DNMT1: variants seen among roughly 807,000 people sequenced by gnomAD.
DNMT1 encodes DNA (cytosine-5)-methyltransferase 1.
In DNMT1, 24 loss-of-function variants were observed where a neutral mutation model predicts 205.3. The ratio of observed to expected loss-of-function variants is 0.12; its 90% CI spans 0.08 to 0.16. The LOEUF (loss-of-function observed/expected upper bound fraction) is 0.16, where lower values mean the gene tolerates loss of function less well. Ranked by LOEUF, DNMT1 falls within the 10% of genes least tolerant of loss-of-function variation. DNMT1 has a pLI of 1.00. For missense variants in DNMT1, 1,293 were observed against 2,177.7 expected, an observed-to-expected ratio of 0.59 and a Z score of 8.09; for synonymous variants, 817 against 839.8, an observed-to-expected ratio of 0.97 and a Z score of 0.47.
At chr19:10,176,914 A>C (rs1384868334) in intron 6 of DNMT1, among the ~76,000 whole-genome samples, 1 of 152,138 alleles carries the variant, frequency 6.6e-6, no homozygotes, top group Non-Finnish European at 1.5e-5. Context: ...ATTTTTTAAA[A>C]AGTTGTCAAA....
intron 9 of DNMT1, among the ~76,000 whole-genome samples, chr19:10,168,854 A>C (rs1029596450): frequency 6.6e-6 from 1 of 152,088 alleles, no homozygotes. Flanking sequence ...TTATTTATTT[A>C]TGAGACGGAG....
chr19:10,194,863 G>T lies in DNMT1; in HGVS notation c.37C>A (p.Leu13Met), dbSNP rs762812098. The change falls in exon 1 of 41, where the codon CTG becomes ATG. Residue 13 changes from leucine (L) to methionine (M), a missense_variant. Around this residue, in one of 13 missense-constraint regions of DNMT1, gnomAD observed 394 missense variants for 451.6 expected, o/e 0.87. Transcript: ENST00000359526. ...ARTAPARVPT[L>M]AVPAISLPDD... Reference sequence around the variant, plus strand: ...GGCAGCGAGATGGCCGGGACGGCCAGTGTGGGCACCCGGGCTGGGGCGGTA... The same window carrying T: ...GGCAGCGAGATGGCCGGGACGGCCATTGTGGGCACCCGGGCTGGGGCGGTA... The T allele has an allele frequency of 6.2e-7, 1 of 1,611,640 alleles. No homozygotes were observed. Among genetic ancestry groups the T allele is most frequent in the Non-Finnish European group, 8.5e-7 (1 of 1,179,224 alleles).
chr19:10,143,384 C>CTTTTTTT (rs542026334), intron 29 of DNMT1, among the ~76,000 whole-genome samples: 1 of 119,502 alleles, frequency 8.4e-6, no homozygotes, highest in East Asian at 2.5e-4. Flanking sequence ...CCCAGCTAGT[C>CTTTTTTT]TTTTTTTTTT....
chr19:10,175,422 A>C, intron 7 of DNMT1, 118 bp downstream of exon 7: 1 of 1,112,712 alleles, frequency 9.0e-7, no homozygotes. Flanking sequence ...CTCTCTGGAG[A>C]GCCCTAAATA....
At position 10,138,506 on chromosome 19, in the gene DNMT1, A is replaced by G; in HGVS notation, c.4048T>C (p.Phe1350Leu). 1 of 1,613,626 alleles carries G rather than the reference A, an allele frequency of 6.2e-7. No homozygotes were observed. Among genetic ancestry groups the G allele is most frequent in the Non-Finnish European group, 8.5e-7 (1 of 1,180,018 alleles). Residue 1350 changes from phenylalanine to leucine, a missense_variant, in exon 35 of 41, where the codon TTT (phenylalanine) becomes CTT (leucine). Coordinates refer to ENST00000359526, the MANE Select transcript of DNMT1 (RefSeq NM_001130823.3). The surrounding 1 kb of genome is among the most constrained non-coding windows in gnomAD (Gnocchi z 4.1). ...LPLFPEPLHV[F>L]APRACQLSVV... ...CTCAGCTGGCAGGCCCGGGGAGCAA[A>G]CACGTGCAGTGGCTCCGGGAACAGA...
intron 19 of DNMT1, among the ~76,000 whole-genome samples, 160 bp from the exon 20 acceptor site, chr19:10,155,216 G>T (rs2038431810): frequency 6.6e-6 from 1 of 152,192 alleles, no homozygotes; most frequent in Non-Finnish European, 1.5e-5. Context: ...TAGCTGGCTT[G>T]TTCTGAAGAA....
intron 9 of DNMT1, among the ~76,000 whole-genome samples, chr19:10,170,845 T>C (rs145515109): frequency 1.1e-3 from 164 of 152,182 alleles, no homozygotes; most frequent in Non-Finnish European, 1.9e-3. Flanking sequence ...CCAGGCTGGA[T>C]TGCAGTGGGA....
chr19:10,194,824 T>C lies in DNMT1; in HGVS notation c.76A>G (p.Arg26Gly). The stretch of plus-strand genomic sequence containing the variant: ...GTTCCCCCCCATGGTACCTACCGCC[T>C]GCGGACATCGTCGGGCAGCGAGATG... ...PAISLPDDVR[R>G]RLKDLERDSL... The change falls in exon 1 of 41, where the codon AGG (arginine) becomes GGG (glycine). Residue 26 changes from arginine to glycine, a missense_variant. Transcript: ENST00000359526. 8 of 1,611,058 alleles carry C rather than the reference T, an allele frequency of 5.0e-6. No homozygotes were observed. Among genetic ancestry groups the C allele is most frequent in the Non-Finnish European group, 5.9e-6 (7 of 1,178,854 alleles).
At position 10,134,315 on chromosome 19, in the gene DNMT1, A is replaced by G; in HGVS notation, c.4774-8T>C. On this transcript the variant is annotated splice_region_variant and splice_polypyrimidine_tract_variant and intron_variant, in intron 39 of 40. Transcript: ENST00000359526. ...TGGCACGGCATTGCCCACCTGCAGG[A>G]GGGGAGAAGGGCAATGCCTGATGTG... is the stretch of plus-strand genomic sequence containing the variant. 6.2e-7 allele frequency: 1 copy of G among 1,613,584 alleles called. No individual in the cohort carries two copies. The highest frequency in any genetic ancestry group is 8.5e-7 in the Non-Finnish European group (1 of 1,179,784).
chr19:10,190,193 A>G (rs937781235), intron 1 of DNMT1, among the ~76,000 whole-genome samples: 1 of 152,198 alleles, frequency 6.6e-6, no homozygotes, highest in African/African-American at 2.4e-5. Context: ...GCAGTAAGAA[A>G]GCTGTGGTAG....
intron 13 of DNMT1, among the ~76,000 whole-genome samples, chr19:10,162,212 C>A (rs2038583466): frequency 6.6e-6 from 1 of 151,130 alleles, no homozygotes; most frequent in South Asian, 2.1e-4. Context: ...GATCTCAGCT[C>A]ACAGCAATCT....
In DNMT1 at chr19:10,151,287, T is replaced by C; in HGVS notation, c.2265+111A>G. 1 of 1,508,180 alleles carries C rather than the reference T, an allele frequency of 6.6e-7. No individual in the cohort carries two copies. The highest frequency in any genetic ancestry group is 2.3e-5 in the East Asian group (1 of 44,424). The allele number at this position is 1,508,180 out of a possible 1,614,324, so 93.4% of individuals were successfully genotyped here. On this transcript the variant is annotated intron_variant, in intron 24 of 40. Coordinates refer to ENST00000359526, the MANE Select transcript of DNMT1 (RefSeq NM_001130823.3). This position sits in a 1 kb window ranked among gnomAD's most constrained non-coding sequence, Gnocchi z 5.0. ...CTTCTCAGGGGCAAACAGACAGGTT[T>C]CTTAGTGCCGGGGCTCAGGCTGCCT...
intron 1 of DNMT1, among the ~76,000 whole-genome samples, chr19:10,190,882 A>AT (rs1325749012): frequency 6.6e-6 from 1 of 152,140 alleles, no homozygotes; most frequent in Non-Finnish European, 1.5e-5. Flanking sequence ...GGAGGCTAAG[A>AT]TAAGTGGATC....
intron 9 of DNMT1, among the ~76,000 whole-genome samples, chr19:10,168,899 G>A (rs971239103): frequency 2.0e-5 from 3 of 152,154 alleles, no homozygotes; most frequent in African/African-American, 7.2e-5. Context: ...GTGCAGTGGT[G>A]TACTCTTGGC....
chr19:10,155,019 C>A lies in DNMT1; in HGVS notation c.1530G>T (p.Glu510Asp), dbSNP rs561762200. The change falls in exon 20 of 41, where the codon GAG (glutamate) becomes GAT (aspartate). Residue 510 changes from glutamate to aspartate, a missense_variant. By Grantham distance (45) the Glu-to-Asp change is conservative. Transcript: ENST00000359526. ...AEYILMDPSP[E>D]YAPIFGLMQE... ...GCATCAGCCCAAATATGGGCGCATA[C>A]TCGGGACTGGGATCCATCAGAATGT... 2 of 1,614,170 alleles carry A rather than the reference C, an allele frequency of 1.2e-6. No individual in the cohort carries two copies. Among genetic ancestry groups the A allele is most frequent in the Admixed American group, 3.3e-5 (2 of 60,002 alleles).
At position 10,138,833 on chromosome 19, in the gene DNMT1, G is replaced by A. The variant is rs1040044084; in HGVS notation, c.3949-228C>T. Among the ~76,000 whole-genome samples the A allele has an allele frequency of 6.6e-6, 1 of 152,208 alleles. No homozygotes were observed. Among genetic ancestry groups the A allele is most frequent in the Non-Finnish European group, 1.5e-5 (1 of 68,038 alleles). On this transcript the variant is annotated intron_variant, in intron 34 of 40. Coordinates refer to ENST00000359526, the MANE Select transcript of DNMT1 (RefSeq NM_001130823.3). This position sits in a 1 kb window ranked among gnomAD's most constrained non-coding sequence, Gnocchi z 4.1. ...CAGGGGACAGCCACTGGGGAAGGTG[G>A]GAGCAAACCCTGCGGGGAAGTCCGG...
chr19:10,138,647 A>C lies in DNMT1; in HGVS notation c.3949-42T>G. ...CGGACAACCCCACCGTCAGTGGGAC[A>C]CTCCCAACTGGACTGGCCAGACCCA... On this transcript the variant is annotated intron_variant, in intron 34 of 40. Transcript: ENST00000359526. This position sits in a 1 kb window ranked among gnomAD's most constrained non-coding sequence, Gnocchi z 4.1. 1.3e-6 allele frequency: 2 copies of C among 1,586,392 alleles called. No homozygotes were observed. Among genetic ancestry groups the C allele is most frequent in the Non-Finnish European group, 1.7e-6 (2 of 1,174,402 alleles).
intron 29 of DNMT1, 38 bp from the exon 30 acceptor site, chr19:10,142,258 G>A (rs1302832132): frequency 3.1e-6 from 5 of 1,612,678 alleles, no homozygotes; most frequent in Non-Finnish European, 4.2e-6. Context: ...GCTCTCCTTT[G>A]TGGTGAGCTT....
chr19:10,135,872 T>C lies in DNMT1; in HGVS notation c.4657-20A>G, dbSNP rs767532462. Reference sequence around the variant, plus strand: ...GCGGCCCTGGGGGAAAGAGGCGCGGTGGGCGAGGGCAGTAGCACCCAGGCC... The same window carrying C: ...GCGGCCCTGGGGGAAAGAGGCGCGGCGGGCGAGGGCAGTAGCACCCAGGCC... On this transcript the variant is annotated intron_variant, in intron 38 of 40. Coordinates refer to ENST00000359526, the MANE Select transcript of DNMT1 (RefSeq NM_001130823.3). 3 of 1,542,214 alleles carry C rather than the reference T, an allele frequency of 1.9e-6. No homozygotes were observed. The highest frequency in any genetic ancestry group is 2.6e-6 in the Non-Finnish European group (3 of 1,147,536).
Sources: allele counts gnomAD v4.1 joint callset (sites outside exome capture counted in the v4.1 genomes callset), GRCh38; gene constraint gnomAD v4.1.1; regional missense constraint gnomAD v4.1.1; non-coding constraint Gnocchi (gnomAD v3.1); transcripts MANE v1.5; gene names NCBI Gene and HGNC (gene_info 2026-07-23, HGNC 2026-07-21).